CTNNA2: variants seen among roughly 807,000 people sequenced by gnomAD.
CTNNA2 encodes catenin alpha-2.
Under a neutral mutation model 101.0 loss-of-function variants are expected in CTNNA2, and 42 were observed. That is an observed-to-expected ratio of 0.42 (90% confidence interval 0.32 to 0.54). CTNNA2 has a LOEUF of 0.54. CTNNA2 is among the 20% of genes least tolerant of loss of function. The pLI is 0.14. For missense variants in CTNNA2, 871 were observed against 1,223.1 expected (o/e 0.71, Z 4.29); for synonymous variants, 450 against 456.4 (o/e 0.99, Z 0.18).
At chr2:79,261,446 A>G (rs2104286985) in intron 2 of CTNNA2, among the ~76,000 whole-genome samples, 1 of 152,348 alleles carries the variant, frequency 6.6e-6, no homozygotes, top group South Asian at 2.1e-4. Context: ...TGGTGTATTC[A>G]TCTGCTATAT....
intron 3 of CTNNA2, among the ~76,000 whole-genome samples, chr2:79,849,503 A>AAAT (rs1374741476): frequency 6.6e-5 from 10 of 152,042 alleles, no homozygotes; most frequent in African/African-American, 2.4e-4. Context: ...CCTTAGAGAA[A>AAAT]AATTCTGATT....
chr2:79,936,335 G>A (rs1033265513), intron 7 of CTNNA2, among the ~76,000 whole-genome samples: 8 of 151,468 alleles, frequency 5.3e-5, no homozygotes, highest in African/African-American at 1.9e-4. Flanking sequence ...TTTATCTACA[G>A]TTTACGGTAT....
At chr2:80,013,536 T>C (rs1023502556) in intron 7 of CTNNA2, among the ~76,000 whole-genome samples, 3 of 152,210 alleles carry the variant, frequency 2.0e-5, no homozygotes. Flanking sequence ...TTATCCATAC[T>C]TCTTCCTCAT....
intron 2 of CTNNA2, among the ~76,000 whole-genome samples, chr2:79,235,613 C>T (rs768270865): frequency 3.9e-5 from 6 of 152,162 alleles, no homozygotes; most frequent in Non-Finnish European, 8.8e-5. Flanking sequence ...AGGCACACAC[C>T]ACTCCTCCAT....
intron 2 of CTNNA2, among the ~76,000 whole-genome samples, chr2:79,311,601 T>G (rs1037698303): frequency 2.0e-5 from 3 of 151,958 alleles, no homozygotes; most frequent in African/African-American, 7.3e-5. Flanking sequence ...ACTTCCCACA[T>G]CCCTAATCTT....
intron 4 of CTNNA2, among the ~76,000 whole-genome samples, chr2:79,425,090 T>C (rs1678579799): frequency 6.6e-6 from 1 of 152,086 alleles, no homozygotes; most frequent in African/African-American, 2.4e-5. Context: ...TTATCATCAG[T>C]GTGTATGTGT....
intron 9 of CTNNA2, among the ~76,000 whole-genome samples, chr2:80,478,025 T>C (rs574064551): frequency 6.6e-6 from 1 of 152,264 alleles, no homozygotes; most frequent in Admixed American, 6.5e-5. Context: ...TGTATAAGCA[T>C]TCCCTTTGAC....
At chr2:79,707,960 T>G (rs563858073) in intron 2 of CTNNA2, among the ~76,000 whole-genome samples, 1 of 152,234 alleles carries the variant, frequency 6.6e-6, no homozygotes, top group Non-Finnish European at 1.5e-5. Flanking sequence ...AGGTTTACCA[T>G]GTCAATTAAT....
At chr2:79,528,261 T>G (rs1466845232) in intron 1 of CTNNA2, among the ~76,000 whole-genome samples, 2 of 152,014 alleles carry the variant, frequency 1.3e-5, no homozygotes, top group African/African-American at 2.4e-5. Context: ...TTGCCCAGGT[T>G]AAGTGCAGTG....
At chr2:79,350,160 G>T (rs532775391) in intron 3 of CTNNA2, among the ~76,000 whole-genome samples, 5 of 151,662 alleles carry the variant, frequency 3.3e-5, no homozygotes, top group South Asian at 2.1e-4. Context: ...GATTCATAGG[G>T]TACATGTGGA....
chr2:79,735,840 G>C (rs907271555), intron 2 of CTNNA2, among the ~76,000 whole-genome samples: 2 of 152,122 alleles, frequency 1.3e-5, no homozygotes, highest in East Asian at 3.9e-4. Context: ...GTCAGATAAC[G>C]GGGAGGAAAT....
chr2:79,706,311 C>A (rs1237384323), intron 2 of CTNNA2, among the ~76,000 whole-genome samples: 1 of 140,470 alleles, frequency 7.1e-6, no homozygotes. Context: ...TGCAGTGAGC[C>A]GAGATCACGC....
At chr2:79,244,263 C>T (rs963046764) in intron 2 of CTNNA2, among the ~76,000 whole-genome samples, 1 of 152,204 alleles carries the variant, frequency 6.6e-6, no homozygotes, top group South Asian at 2.1e-4. Flanking sequence ...TTTAATACCA[C>T]CTCTTCTGGT....
At chr2:79,346,759 C>G (rs1290325073) in intron 3 of CTNNA2, among the ~76,000 whole-genome samples, 1 of 152,202 alleles carries the variant, frequency 6.6e-6, no homozygotes, top group East Asian at 1.9e-4. Flanking sequence ...GTATGTTATC[C>G]TTAGTTGATT....
chr2:79,570,897 A>T (rs992327273), intron 1 of CTNNA2, among the ~76,000 whole-genome samples: 9 of 152,162 alleles, frequency 5.9e-5, no homozygotes, highest in Non-Finnish European at 1.3e-4. Context: ...GTAAATATGA[A>T]ACATCCAAAC....
At chr2:79,840,557 T>G (rs1469813962) in intron 3 of CTNNA2, among the ~76,000 whole-genome samples, 1 of 152,212 alleles carries the variant, frequency 6.6e-6, no homozygotes, top group African/African-American at 2.4e-5. Flanking sequence ...ATTCAATCTC[T>G]CACATTCTCT....
At chr2:80,451,868 A>G (rs1482516762) in intron 9 of CTNNA2, among the ~76,000 whole-genome samples, 1 of 151,876 alleles carries the variant, frequency 6.6e-6, no homozygotes, top group Non-Finnish European at 1.5e-5. Context: ...TTTATTTTTT[A>G]TCGGAAAAAA....
intron 7 of CTNNA2, among the ~76,000 whole-genome samples, chr2:80,127,341 G>A (rs923649407): frequency 2.4e-4 from 37 of 152,272 alleles, no homozygotes; most frequent in African/African-American, 8.2e-4. Context: ...TGTAGAGAGA[G>A]GAACTCCAGC....
chr2:79,783,122 C>T (rs1352731198), intron 3 of CTNNA2, among the ~76,000 whole-genome samples: 2 of 152,138 alleles, frequency 1.3e-5, no homozygotes, highest in Non-Finnish European at 2.9e-5. Context: ...TTATGTCCCT[C>T]TGTGCATGCT....
Sources: allele counts gnomAD v4.1 joint callset (sites outside exome capture counted in the v4.1 genomes callset), GRCh38; gene constraint gnomAD v4.1.1; transcripts MANE v1.5; gene names NCBI Gene and HGNC (gene_info 2026-07-23, HGNC 2026-07-21).